Variants in SPRED2 observed in about 807,000 individuals in gnomAD.
SPRED2 encodes sprouty-related, EVH1 domain-containing protein 2.
SPRED2 carries 47 observed loss-of-function variants against 43.0 expected under a neutral mutation model. The observed-to-expected ratio is 1.09, with a 90% CI of 0.87 to 1.40. The LOEUF (loss-of-function observed/expected upper bound fraction) is 1.40, where lower values mean the gene tolerates loss of function less well. Ranked by LOEUF, SPRED2 falls within the 40% of genes most tolerant of loss-of-function variation. The pLI is 0.00. For missense variants in SPRED2, 561 were observed against 586.4 expected, an observed-to-expected ratio of 0.96 and a Z score of 0.45; for synonymous variants, 225 against 225.7, an observed-to-expected ratio of 1.00 and a Z score of 0.03.
intron 1 of SPRED2, among the ~76,000 whole-genome samples, chr2:65,387,105 A>G (rs1453883635): frequency 3.9e-5 from 6 of 152,152 alleles, no homozygotes; most frequent in African/African-American, 1.4e-4. Flanking sequence ...CTCTCACAGT[A>G]TTGATGGAGT....
chr2:65,362,836 C>A (rs375526728), intron 1 of SPRED2, among the ~76,000 whole-genome samples: 1 of 142,386 alleles, frequency 7.0e-6, no homozygotes, highest in East Asian at 2.1e-4. Flanking sequence ...CCAGCCTGGG[C>A]AACAAGAGTG....
intron 4 of SPRED2, among the ~76,000 whole-genome samples, chr2:65,318,366 G>T (rs1007034422): frequency 6.6e-6 from 1 of 151,822 alleles, no homozygotes; most frequent in African/African-American, 2.4e-5. Flanking sequence ...CAGGCCAGGC[G>T]ACCCCAGGTG....
At chr2:65,378,646 G>C (rs17475335) in intron 1 of SPRED2, among the ~76,000 whole-genome samples, 41,051 of 152,242 alleles carry the variant, frequency 0.27, 6,923 homozygotes, top group East Asian at 0.7. Flanking sequence ...ATTGTGTCCT[G>C]TGTGATCCTC....
intron 1 of SPRED2, chr2:65,366,548 A>G: frequency 1.3e-6 from 2 of 1,540,318 alleles, no homozygotes; most frequent in South Asian, 2.4e-5. Context: ...AGAATAAGAG[A>G]ACAATGAAAA....
intron 1 of SPRED2, among the ~76,000 whole-genome samples, chr2:65,402,295 A>C (rs868495545): frequency 5.0e-4 from 76 of 151,464 alleles, no homozygotes; most frequent in Admixed American, 1.6e-3. Flanking sequence ...AAAAAAAAAA[A>C]AAAAAAAAAA....
At chr2:65,417,096 C>A (rs1676294396) in intron 1 of SPRED2, among the ~76,000 whole-genome samples, 1 of 152,152 alleles carries the variant, frequency 6.6e-6, no homozygotes, top group Non-Finnish European at 1.5e-5. Context: ...CCTTCCCATC[C>A]TGGCACCCAC....
chr2:65,341,835 C>A (rs900416455), intron 2 of SPRED2, among the ~76,000 whole-genome samples: 8 of 151,858 alleles, frequency 5.3e-5, no homozygotes, highest in Non-Finnish European at 1.0e-4. Flanking sequence ...AAAACATAAG[C>A]CTTCAGACAA....
intron 1 of SPRED2, among the ~76,000 whole-genome samples, chr2:65,410,062 C>T (rs1676119980): frequency 6.7e-6 from 1 of 148,610 alleles, no homozygotes; most frequent in Admixed American, 6.7e-5. Flanking sequence ...ATTTTAAATG[C>T]AAAAAAAAAG....
rs376676473 is a variant in SPRED2, at chr2:65,366,510, A to G, written c.27-21614T>C. 623 of 1,443,410 alleles carry G rather than the reference A, an allele frequency of 4.3e-4. 2 individuals are homozygous for G. In the African/African-American group the frequency reaches 8.3e-3, roughly 19 times the overall value. 89.4% of individuals were successfully genotyped at this position (1,443,410 alleles called of 1,614,324 possible). A position where few individuals can be genotyped will look rare whatever the true frequency, so the allele number is the denominator to read the frequency against. ...AGGATAAATTTTCTCCTTTAAAAAA[A>G]TGCTAAAAGCAGGCACCAGAAAGGT... On this transcript the variant is annotated intron_variant, in intron 1 of 5. Coordinates refer to ENST00000356388, the MANE Select transcript of SPRED2 (RefSeq NM_181784.3).
At chr2:65,317,240 C>T (rs1171366040) in intron 4 of SPRED2, among the ~76,000 whole-genome samples, 4 of 152,158 alleles carry the variant, frequency 2.6e-5, no homozygotes, top group Admixed American at 6.5e-5. Context: ...TGGCCAGGCG[C>T]GGGGGCTCAT....
rs141115862 is a variant in SPRED2, at chr2:65,376,595, G to A, written c.27-31699C>T. Among the ~76,000 whole-genome samples, 3 of 152,212 alleles carry A rather than the reference G, an allele frequency of 2.0e-5. No individual in the cohort carries two copies. The East Asian group carries it at 5.8e-4, about 29-fold the overall frequency. ...ACCCATTTCTTAAAGGTTGCTTTGTGTATCCTTCTAGGGTTTATGCAAATA... is the reference window on the plus strand; with the variant it reads ...ACCCATTTCTTAAAGGTTGCTTTGTATATCCTTCTAGGGTTTATGCAAATA... On this transcript the variant is annotated intron_variant, in intron 1 of 5. Transcript: ENST00000356388.
chr2:65,426,627 G>A (rs1478733340), intron 1 of SPRED2, among the ~76,000 whole-genome samples: 1 of 152,188 alleles, frequency 6.6e-6, no homozygotes, highest in Non-Finnish European at 1.5e-5. Flanking sequence ...GATTTTGACT[G>A]GGAGGAGGGG....
chr2:65,418,126 G>T (rs1033861227), intron 1 of SPRED2, among the ~76,000 whole-genome samples: 1 of 152,148 alleles, frequency 6.6e-6, no homozygotes, highest in Non-Finnish European at 1.5e-5. Flanking sequence ...AATTATTAGT[G>T]GTCTCCCTGA....
chr2:65,333,635 T>C (rs1673879928), intron 3 of SPRED2, among the ~76,000 whole-genome samples: 1 of 152,238 alleles, frequency 6.6e-6, no homozygotes, highest in Non-Finnish European at 1.5e-5. Flanking sequence ...TTTAATAACA[T>C]TTTAAATATT....
chr2:65,412,853 T>C (rs984862586), intron 1 of SPRED2, among the ~76,000 whole-genome samples: 3 of 152,210 alleles, frequency 2.0e-5, no homozygotes, highest in South Asian at 2.1e-4. Context: ...TTTCCTCCCA[T>C]GTCCTCATTT....
intron 1 of SPRED2, chr2:65,373,703 A>G (rs985660972): frequency 6.6e-6 from 1 of 152,216 alleles, no homozygotes; most frequent in Non-Finnish European, 1.5e-5. Flanking sequence ...CATCTTTGCC[A>G]CTGGACTTGA....
At chr2:65,394,774 C>T (rs1415219453) in intron 1 of SPRED2, among the ~76,000 whole-genome samples, 5 of 152,126 alleles carry the variant, frequency 3.3e-5, no homozygotes, top group South Asian at 2.1e-4. Context: ...CACAGTGAGG[C>T]GCAGGGAGGG....
At chr2:65,310,621 G>A (rs939900658), downstream of SPRED2, among the ~76,000 whole-genome samples, 6 of 152,130 alleles carry the variant, frequency 3.9e-5, no homozygotes, top group East Asian at 1.9e-4. Flanking sequence ...GTTCCTGGGC[G>A]GTGGCCTGCA....
At chr2:65,330,867 G>A (rs1212279033) in intron 4 of SPRED2, among the ~76,000 whole-genome samples, 1 of 152,162 alleles carries the variant, frequency 6.6e-6, no homozygotes, top group Non-Finnish European at 1.5e-5. Context: ...CACAGATCAA[G>A]CAAATGTGCC....
Sources: allele counts gnomAD v4.1 joint callset (sites outside exome capture counted in the v4.1 genomes callset), GRCh38; gene constraint gnomAD v4.1.1; transcripts MANE v1.5; gene names NCBI Gene and HGNC (gene_info 2026-07-23, HGNC 2026-07-21).